Variants in TBC1D28 observed in about 807,000 individuals in gnomAD.
TBC1D28 encodes the protein TBC1 domain family member 28.
Under a neutral mutation model 29.2 loss-of-function variants are expected in TBC1D28, and 20 were observed. That is an observed-to-expected ratio of 0.68 (90% CI 0.48 to 0.99). TBC1D28 has a LOEUF of 0.99. Among genes scored for constraint, TBC1D28 ranks in the 50% least tolerant of loss-of-function variants. TBC1D28 has a pLI of 0.00. For missense variants in TBC1D28, 205 were observed against 243.7 expected (o/e 0.84, Z 1.06); for synonymous variants, 65 against 90.9 (o/e 0.71, Z 1.62).
chr17:18,644,062 G>A (rs1005040773), upstream of TBC1D28, among the ~76,000 whole-genome samples: 4 of 152,028 alleles, frequency 2.6e-5, no homozygotes, highest in Non-Finnish European at 4.4e-5. Context: ...ATCACATCTG[G>A]GTCTCTTGGC....
At chr17:18,639,200 G>A (rs1191457517) in exon 5 of TBC1D28, 1 of 1,612,372 alleles carries the variant, frequency 6.2e-7, no homozygotes, top group Non-Finnish European at 8.5e-7. Context: ...ACTGACGCGG[G>A]GCAGCTCCAT....
chr17:18,636,323 C>T (rs1340761619), exon 9 of TBC1D28: 3 of 1,467,012 alleles, frequency 2.0e-6, no homozygotes, highest in Admixed American at 2.5e-5. Context: ...GGGGCAACAC[C>T]AGGAGGGGAA....
At position 18,639,379 on chromosome 17, in the gene TBC1D28, T is replaced by C. The variant is rs1357204274; in HGVS notation, c.159-165A>G. On this transcript the variant is annotated intron_variant, in intron 4 of 8. Transcript: ENST00000345096. ...AAGGGCCTCCCTGCGGATCTGACAC[T>C]AGCAAGGCACTGGGACCTTGGTGAA... Among the ~76,000 whole-genome samples, 200 of 103,466 alleles carry C rather than the reference T, an allele frequency of 1.9e-3. 3 individuals are homozygous for C. Among genetic ancestry groups the C allele is most frequent in the African/African-American group, 8.0e-3 (188 of 23,578 alleles). 67.9% of individuals were successfully genotyped at this position (103,466 alleles called of 152,430 possible). A position where few individuals can be genotyped will look rare whatever the true frequency, so the allele number is the denominator to read the frequency against.
At chr17:18,640,429 C>G (rs1463668538) in intron 4 of TBC1D28, among the ~76,000 whole-genome samples, 1 of 149,328 alleles carries the variant, frequency 6.7e-6, no homozygotes, top group African/African-American at 2.5e-5. Context: ...GCTCCCATTA[C>G]CAGGCCCAGG....
exon 9 of TBC1D28, chr17:18,635,316 T>A (rs2031442334): frequency 6.4e-6 from 1 of 155,144 alleles, no homozygotes; most frequent in East Asian, 1.9e-4. Flanking sequence ...AATGCATCCT[T>A]CCCGGGGATC....
At chr17:18,642,266 T>C (rs2031806793) in exon 1 of TBC1D28, 2 of 152,586 alleles carry the variant, frequency 1.3e-5, no homozygotes, top group Admixed American at 1.3e-4. Flanking sequence ...CACTCCTAGA[T>C]GAAGGACCCC....
At chr17:18,636,527 A>G (rs1195844581) in exon 9 of TBC1D28, 2 of 1,613,938 alleles carry the variant, frequency 1.2e-6, no homozygotes, top group Admixed American at 1.7e-5. Context: ...TACCAGGAAT[A>G]TCGCTGCCCG....
At chr17:18,640,406 G>A (rs2031709535) in intron 4 of TBC1D28, among the ~76,000 whole-genome samples, 1 of 146,754 alleles carries the variant, frequency 6.8e-6, no homozygotes, top group African/African-American at 2.5e-5. Context: ...ATGAGGGGCC[G>A]GCTTCAGGCT....
In TBC1D28 at chr17:18,636,927, C is replaced by A. The variant is rs2031527613; in HGVS notation, c.498-330G>T. 2.0e-5 allele frequency among the ~76,000 whole-genome samples: 2 copies of A among 101,798 alleles called. 1 individual carries two copies. The highest frequency in any genetic ancestry group is 6.3e-4 in the South Asian group (2 of 3,182). 66.8% of individuals were successfully genotyped at this position (101,798 alleles called of 152,430 possible). ...ATTCTGAACTAATGTGCAGAGCCTC[C>A]CGTCCACCACTGCAGCCCCTCCCAG... On this transcript the variant is annotated intron_variant, in intron 8 of 8. Transcript: ENST00000345096.
downstream of TBC1D28, among the ~76,000 whole-genome samples, chr17:18,634,295 G>C (rs1486915770): frequency 6.6e-6 from 1 of 151,172 alleles, no homozygotes; most frequent in East Asian, 1.9e-4. Context: ...TAACTCTTAA[G>C]TTGGAAAACA....
At position 18,638,432 on chromosome 17, in the gene TBC1D28, A is replaced by G; in HGVS notation, c.280-12T>C. 6.2e-7 allele frequency: 1 copy of G among 1,614,074 alleles called. No individual in the cohort carries two copies. Among genetic ancestry groups the G allele is most frequent in the South Asian group, 1.1e-5 (1 of 91,080 alleles). On this transcript the variant is annotated splice_polypyrimidine_tract_variant and intron_variant, in intron 6 of 8. Coordinates refer to ENST00000345096, the Ensembl canonical transcript of TBC1D28. The stretch of plus-strand genomic sequence containing the variant: ...ACTCTTTGAGACAGCTACAGACAGA[A>G]GAACACTCCAGTGAGAAAGGACATG...
chr17:18,635,742 G>C, exon 9 of TBC1D28: 1 of 1,002,146 alleles, frequency 1.0e-6, no homozygotes, highest in South Asian at 4.2e-5. Context: ...ACGGTGACTT[G>C]GTGACATCCA....
At chr17:18,636,440 C>T (rs770388828) in exon 9 of TBC1D28, 3 of 1,612,250 alleles carry the variant, frequency 1.9e-6, no homozygotes, top group Non-Finnish European at 2.5e-6. Flanking sequence ...CTACTACGTC[C>T]TGGTGGACAA....
At chr17:18,639,364 C>T (rs2031665849) in intron 4 of TBC1D28, 150 bp from the exon 6 acceptor site, 1 of 902,498 alleles carries the variant, frequency 1.1e-6, no homozygotes, top group Non-Finnish European at 1.5e-6. Context: ...AAGGGCCTCC[C>T]TGCGGATCTG....
intron 2 of TBC1D28, 116 bp from the exon 4 acceptor site, chr17:18,641,469 C>G: frequency 9.5e-7 from 1 of 1,049,274 alleles, no homozygotes; most frequent in Admixed American, 2.2e-5. Context: ...ATTCCACTAC[C>G]CCTCCCAGAT....
chr17:18,637,924 T>G, exon 8 of TBC1D28: 2 of 1,613,638 alleles, frequency 1.2e-6, no homozygotes, highest in South Asian at 2.2e-5. Context: ...GACATCTAGC[T>G]GGATGCAGTG....
upstream of TBC1D28, chr17:18,643,081 CTCA>C (rs2031841780): frequency 6.6e-6 from 1 of 152,364 alleles, no homozygotes; most frequent in Admixed American, 6.5e-5. Context: ...CACCCAAGTG[CTCA>C]TCAAGTCTTA....
At chr17:18,636,115 C>T (rs1301345386) in exon 9 of TBC1D28, 39 of 1,055,112 alleles carry the variant, frequency 3.7e-5, no homozygotes, top group Non-Finnish European at 4.5e-5. Context: ...GACCCCCCTC[C>T]CTATCTGCTA....
chr17:18,637,929 G>A, exon 8 of TBC1D28: 1 of 1,613,610 alleles, frequency 6.2e-7, no homozygotes. Context: ...CTAGCTGGAT[G>A]CAGTGGATGA....
Sources: allele counts gnomAD v4.1 joint callset (sites outside exome capture counted in the v4.1 genomes callset), GRCh38; gene constraint gnomAD v4.1.1; transcripts MANE v1.5; gene names NCBI Gene and HGNC (gene_info 2026-07-23, HGNC 2026-07-21).